The following COL13A1 variants were observed in gnomAD, a reference collection of about 807,000 sequenced individuals.
The protein encoded by COL13A1 is collagen alpha-1(XIII) chain.
Under a neutral mutation model 130.9 loss-of-function variants are expected in COL13A1, and 89 were observed. That is an observed-to-expected ratio of 0.68 (90% CI 0.57 to 0.81). COL13A1 has a LOEUF of 0.81. COL13A1 is among the 30% of genes least tolerant of loss of function. The probability of loss-of-function intolerance (pLI) is 0.00; values close to 1 mark genes in which losing one functional copy is unlikely to be tolerated. For synonymous variants in COL13A1, 402 were observed against 341.6 expected (o/e 1.18, Z -1.95); for missense variants, 879 against 934.6 (o/e 0.94, Z 0.78).
At chr10:69,866,205 G>C (rs1182319184) in intron 2 of COL13A1, among the ~76,000 whole-genome samples, 1 of 152,206 alleles carries the variant, frequency 6.6e-6, no homozygotes, top group Non-Finnish European at 1.5e-5. Flanking sequence ...TGACACCTAT[G>C]CAGCCGAGAG....
intron 1 of COL13A1, among the ~76,000 whole-genome samples, chr10:69,815,070 A>G (rs1422207587): frequency 6.6e-6 from 1 of 152,174 alleles, no homozygotes; most frequent in African/African-American, 2.4e-5. Context: ...GCACTCAGGA[A>G]GCTGGCAGGG....
In COL13A1 at chr10:69,918,292, C is replaced by A. The variant is rs371719308; in HGVS notation, c.974C>A (p.Pro325His). 48 of 1,612,864 alleles carry A rather than the reference C, an allele frequency of 3.0e-5. No individual in the cohort carries two copies. In the African/African-American group the frequency reaches 5.6e-4, roughly 19 times the overall value. ...TTTTTCTCTCTCTGCCAGGGGGCGC[C>A]CGGAATTGCCGTGGCTGGGATGAAG... Reference protein sequence around the residue: ...MPGKHGAKGAPGIAVAGMKGE... With the variant: ...MPGKHGAKGAHGIAVAGMKGE... The change falls in exon 19 of 41, where the codon CCC becomes CAC. Residue 325 changes from proline to histidine, a missense_variant. Around this residue, in one of 3 missense-constraint regions of COL13A1, gnomAD observed 715 missense variants for 721.0 expected, o/e 0.99. Transcript: ENST00000645393.
intron 5 of COL13A1, among the ~76,000 whole-genome samples, chr10:69,876,652 G>A (rs2059600792): frequency 1.3e-5 from 2 of 152,220 alleles, no homozygotes; most frequent in South Asian, 2.1e-4. Context: ...TCTGTACAGA[G>A]CAGGGAAACG....
intron 5 of COL13A1, among the ~76,000 whole-genome samples, chr10:69,876,356 A>T (rs986185125): frequency 1.3e-5 from 2 of 152,004 alleles, no homozygotes; most frequent in Non-Finnish European, 2.9e-5. Flanking sequence ...ACCCACCCCC[A>T]CTGGCCTTGC....
intron 2 of COL13A1, among the ~76,000 whole-genome samples, chr10:69,835,102 A>G (rs60835334): frequency 0.12 from 18,226 of 152,184 alleles, 1,111 homozygotes; most frequent in Middle Eastern, 0.18. Flanking sequence ...CAGGACTCAC[A>G]ATCCTGCCCG....
intron 2 of COL13A1, among the ~76,000 whole-genome samples, chr10:69,864,107 T>G (rs1412525951): frequency 6.6e-6 from 1 of 151,904 alleles, no homozygotes; most frequent in Non-Finnish European, 1.5e-5. Context: ...AAATTAAAAT[T>G]TTTTAACCTT....
chr10:69,865,926 G>A (rs907112898), intron 2 of COL13A1, among the ~76,000 whole-genome samples: 5 of 152,280 alleles, frequency 3.3e-5, no homozygotes, highest in South Asian at 4.1e-4. Context: ...CTGGGGAGTC[G>A]CTCAACCTTC....
At chr10:69,913,985 T>C (rs2063656591) in intron 17 of COL13A1, among the ~76,000 whole-genome samples, 1 of 152,178 alleles carries the variant, frequency 6.6e-6, no homozygotes, top group South Asian at 2.1e-4. Flanking sequence ...CAAGGAGGGC[T>C]GCCTCCCGAG....
intron 10 of COL13A1, among the ~76,000 whole-genome samples, chr10:69,893,729 A>G (rs2061396004): frequency 6.6e-6 from 1 of 152,252 alleles, no homozygotes; most frequent in Non-Finnish European, 1.5e-5. Flanking sequence ...CTCCTGTCCC[A>G]GTGCCACCTT....
At chr10:69,955,244 G>A (rs529031127) in intron 39 of COL13A1, 17 of 152,380 alleles carry the variant, frequency 1.1e-4, no homozygotes, top group African/African-American at 3.8e-4. Flanking sequence ...GCAACAAAAG[G>A]AGAGTGCAGA....
In COL13A1 at chr10:69,863,480, C is replaced by T. The variant is rs186855518; in HGVS notation, c.365-4318C>T. Among the ~76,000 whole-genome samples, 254 of 152,254 alleles carry T rather than the reference C, an allele frequency of 1.7e-3. 2 individuals are homozygous for T. Among genetic ancestry groups the T allele is most frequent in the African/African-American group, 6.0e-3 (248 of 41,538 alleles). On this transcript the variant is annotated intron_variant, in intron 2 of 40. Coordinates refer to ENST00000645393, the MANE Select transcript of COL13A1 (RefSeq NM_001368882.1). ...GAGGCATGGGTGGGGGCTAGGACCC[C>T]AGCTTCTAGGAGCCCAGCGGTCAAG...
At chr10:69,914,728 C>T (rs373210046) in intron 17 of COL13A1, among the ~76,000 whole-genome samples, 62 of 152,288 alleles carry the variant, frequency 4.1e-4, no homozygotes, top group African/African-American at 1.4e-3. Context: ...GCAGGGGACC[C>T]TCCAAAGGAA....
intron 2 of COL13A1, among the ~76,000 whole-genome samples, chr10:69,848,649 G>A (rs535127598): frequency 7.6e-4 from 115 of 152,304 alleles, no homozygotes; most frequent in Non-Finnish European, 1.2e-3. Flanking sequence ...CTCACCTGTC[G>A]CCTGACTCAC....
chr10:69,804,275 G>T (rs1035877840), intron 1 of COL13A1, among the ~76,000 whole-genome samples: 16 of 152,116 alleles, frequency 1.1e-4, no homozygotes, highest in Non-Finnish European at 1.8e-4. Flanking sequence ...GATTTTCAGG[G>T]TTTAGCACAG....
intron 37 of COL13A1, 140 bp downstream of exon 37, chr10:69,945,864 A>C: frequency 9.7e-7 from 1 of 1,030,220 alleles, no homozygotes; most frequent in Non-Finnish European, 1.4e-6. Flanking sequence ...CGAGGTCAGG[A>C]GATCAAGACT....
intron 2 of COL13A1, among the ~76,000 whole-genome samples, chr10:69,840,450 G>A (rs976323400): frequency 3.3e-5 from 5 of 152,182 alleles, no homozygotes; most frequent in Admixed American, 1.3e-4. Flanking sequence ...GATGGAGGAG[G>A]CAGAGCCTGT....
intron 2 of COL13A1, among the ~76,000 whole-genome samples, chr10:69,845,043 A>G (rs2133345698): frequency 6.6e-6 from 1 of 152,290 alleles, no homozygotes; most frequent in Admixed American, 6.5e-5. Flanking sequence ...TTAACTAGTT[A>G]TAGGATTCTC....
intron 2 of COL13A1, among the ~76,000 whole-genome samples, chr10:69,855,008 A>G (rs981966014): frequency 3.3e-5 from 5 of 152,224 alleles, no homozygotes; most frequent in African/African-American, 1.2e-4. Flanking sequence ...GCAGTCTCAT[A>G]GACCCAGGCA....
intron 2 of COL13A1, among the ~76,000 whole-genome samples, chr10:69,841,270 T>G (rs995453230): frequency 6.7e-6 from 1 of 150,192 alleles, no homozygotes; most frequent in Non-Finnish European, 1.5e-5. Context: ...TTCCCACCCC[T>G]GCCCCCACCT....
Sources: gnomAD v4.1 joint callset for allele counts (sites outside exome capture counted in the v4.1 genomes callset) on GRCh38, gnomAD v4.1.1 for gene constraint, gnomAD v4.1.1 regional missense constraint, MANE v1.5 for transcripts, NCBI Gene and HGNC (gene_info 2026-07-23, HGNC 2026-07-21) for gene names.